Variants in FOXO3 observed in about 807,000 individuals in gnomAD.
FOXO3 encodes the protein forkhead box protein O3.
A neutral mutation model predicts 41.9 loss-of-function variants in FOXO3; 4 were observed. The ratio of observed to expected loss-of-function variants is 0.10; its 90% confidence interval spans 0.05 to 0.22. FOXO3 has a LOEUF of 0.22. Ranked by LOEUF, FOXO3 falls within the 10% of genes least tolerant of loss-of-function variation. The pLI, the probability that FOXO3 is intolerant of heterozygous loss-of-function variation, is 1.00. For synonymous variants in FOXO3, 318 were observed against 389.3 expected, an observed-to-expected ratio of 0.82 and a Z score of 2.16; for missense variants, 534 against 906.8, an observed-to-expected ratio of 0.59 and a Z score of 5.28.
At chr6:108,641,243 T>G (rs556816275) in intron 1 of FOXO3, among the ~76,000 whole-genome samples, 1 of 152,190 alleles carries the variant, frequency 6.6e-6, no homozygotes, top group Non-Finnish European at 1.5e-5. Context: ...AAGGGATTGT[T>G]GTAGCTAATT....
intron 1 of FOXO3, among the ~76,000 whole-genome samples, chr6:108,635,848 A>T (rs1234107286): frequency 6.6e-6 from 1 of 152,182 alleles, no homozygotes; most frequent in East Asian, 1.9e-4. Context: ...TGTCAGAGGG[A>T]TTGGGCTGGG....
intron 1 of FOXO3, among the ~76,000 whole-genome samples, chr6:108,612,133 A>G (rs1360309486): frequency 6.6e-6 from 1 of 152,118 alleles, no homozygotes; most frequent in Non-Finnish European, 1.5e-5. Context: ...AATTTCTCTC[A>G]GCAGTGTTTA....
intron 1 of FOXO3, 103 bp from the exon 2 acceptor site, chr6:108,663,352 A>C (rs1778927869): frequency 2.0e-6 from 3 of 1,482,848 alleles, no homozygotes; most frequent in Non-Finnish European, 2.7e-6. Context: ...GTCTCAAAAA[A>C]ATAAAATAAA....
rs934805593 is a variant in FOXO3 at position 108,609,426 on chromosome 6, G to A, written c.621+47597G>A. Among the ~76,000 whole-genome samples the A allele has an allele frequency of 7.2e-5, 11 of 152,186 alleles. No homozygotes were observed. In the South Asian group the frequency reaches 2.3e-3, roughly 32 times the overall value. ...GGGCCTGGGTTCTAGGCCAGGTTTA[G>A]ATGTTTAGTATCTGAGTCACCTAGA... On this transcript the variant is annotated intron_variant, in intron 1 of 2. Coordinates refer to ENST00000406360, the MANE Select transcript of FOXO3 (RefSeq NM_001455.4).
At chr6:108,591,722 A>C (rs1776737305) in intron 1 of FOXO3, among the ~76,000 whole-genome samples, 1 of 152,126 alleles carries the variant, frequency 6.6e-6, no homozygotes, top group Non-Finnish European at 1.5e-5. Context: ...TTGTATAGGG[A>C]GGTGACACAA....
At chr6:108,639,199 C>G (rs1196120935) in intron 1 of FOXO3, among the ~76,000 whole-genome samples, 2 of 152,214 alleles carry the variant, frequency 1.3e-5, no homozygotes, top group South Asian at 2.1e-4. Flanking sequence ...GGCCCTGCCT[C>G]CCACTGGGTG....
intron 1 of FOXO3, among the ~76,000 whole-genome samples, chr6:108,616,113 G>A (rs562705040): frequency 2.0e-4 from 29 of 144,514 alleles, no homozygotes; most frequent in African/African-American, 7.1e-4. Flanking sequence ...TCAGCCTCTT[G>A]AGTAGCTGGG....
At chr6:108,562,007 C>T (rs1413571184) in intron 1 of FOXO3, among the ~76,000 whole-genome samples, 178 bp downstream of exon 1, 1 of 151,724 alleles carries the variant, frequency 6.6e-6, no homozygotes, top group Non-Finnish European at 1.5e-5. Flanking sequence ...CACCTGGGGA[C>T]GGTCTCGGAG....
At chr6:108,585,995 C>G (rs748515221) in intron 1 of FOXO3, among the ~76,000 whole-genome samples, 1 of 152,144 alleles carries the variant, frequency 6.6e-6, no homozygotes, top group Non-Finnish European at 1.5e-5. Context: ...CTTTCTCAGC[C>G]GGCTTCCTAC....
intron 1 of FOXO3, among the ~76,000 whole-genome samples, chr6:108,645,330 G>A (rs1323241524): frequency 6.6e-6 from 1 of 152,158 alleles, no homozygotes; most frequent in Non-Finnish European, 1.5e-5. Flanking sequence ...CCCATGATTG[G>A]TAGAAATAAC....
At chr6:108,618,236 A>G (rs1290074854) in intron 1 of FOXO3, 3 of 805,156 alleles carry the variant, frequency 3.7e-6, no homozygotes, top group Non-Finnish European at 6.6e-6. Flanking sequence ...CTTCAAATTA[A>G]TATGATTGTT....
intron 1 of FOXO3, among the ~76,000 whole-genome samples, chr6:108,586,215 A>G (rs1482690785): frequency 1.3e-5 from 2 of 152,238 alleles, no homozygotes; most frequent in Non-Finnish European, 2.9e-5. Context: ...CACCAGAATT[A>G]GGTGACACAT....
At position 108,636,536 on chromosome 6, in the gene FOXO3, T is replaced by C. The variant is rs553411339; in HGVS notation, c.622-26919T>C. Among the ~76,000 whole-genome samples, 221 of 152,080 alleles carry C rather than the reference T, an allele frequency of 1.5e-3. 1 individual carries two copies. The highest frequency in any genetic ancestry group is 2.5e-3 in the Non-Finnish European group (173 of 68,018). ...GAGACCAAGCATCTTAGAGTGTTTT[T>C]TCAGCACTCACATGCTAGTATCCTA... On this transcript the variant is annotated intron_variant, in intron 1 of 2. Transcript: ENST00000406360.
At chr6:108,639,331 G>A (rs1186179899) in intron 1 of FOXO3, among the ~76,000 whole-genome samples, 4 of 152,198 alleles carry the variant, frequency 2.6e-5, no homozygotes, top group African/African-American at 7.2e-5. Flanking sequence ...CACTGTCCAA[G>A]CATTTAGCTT....
chr6:108,598,255 C>T (rs1429769952), intron 1 of FOXO3, among the ~76,000 whole-genome samples: 1 of 152,174 alleles, frequency 6.6e-6, no homozygotes, highest in East Asian at 1.9e-4. Context: ...GTGCATCTTT[C>T]TGTTCTTTGT....
Sources: gnomAD v4.1 joint callset for allele counts (sites outside exome capture counted in the v4.1 genomes callset) on GRCh38, gnomAD v4.1.1 for gene constraint, MANE v1.5 for transcripts, NCBI Gene and HGNC (gene_info 2026-07-23, HGNC 2026-07-21) for gene names.